Variants in RGL1 observed in about 807,000 individuals in gnomAD.
RGL1 encodes the protein ral guanine nucleotide dissociation stimulator like 1, also known as ral guanine nucleotide dissociation stimulator-like 1.
In RGL1, 24 loss-of-function variants were observed where a neutral mutation model predicts 95.2. The observed-to-expected ratio is 0.25, with a 90% CI of 0.18 to 0.35. RGL1 has a LOEUF of 0.35. Ranked by LOEUF, RGL1 falls within the 10% of genes least tolerant of loss-of-function variation. RGL1 has a pLI of 1.00. For missense variants in RGL1, 715 were observed against 936.3 expected, an observed-to-expected ratio of 0.76 and a Z score of 3.08; for synonymous variants, 329 against 344.9, an observed-to-expected ratio of 0.95 and a Z score of 0.51.
At chr1:183,692,956 A>ATT (rs1377385590) in intron 1 of RGL1, among the ~76,000 whole-genome samples, 24 of 146,344 alleles carry the variant, frequency 1.6e-4, no homozygotes, top group East Asian at 6.1e-4. Flanking sequence ...AGATAAAAAA[A>ATT]ATTTTTTTTT....
At position 183,871,367 on chromosome 1, in the gene RGL1, A is replaced by G. The variant is rs1436652704; in HGVS notation, c.425+5294A>G. The stretch of plus-strand genomic sequence containing the variant: ...AAAATGCCCATTGTTTTCTTTTGCT[A>G]TGAATCTGTTCTCTTGTGATTTCAG... On this transcript the variant is annotated intron_variant, in intron 4 of 17. Transcript: ENST00000360851. Among the ~76,000 whole-genome samples, 3 of 152,222 alleles carry G rather than the reference A, an allele frequency of 2.0e-5. No individual in the cohort carries two copies. The South Asian group carries it at 6.2e-4, about 32-fold the overall frequency.
At position 183,864,076 on chromosome 1, in the gene RGL1, G is replaced by A. The variant is rs35167137; in HGVS notation, c.348-1920G>A. Among the ~76,000 whole-genome samples, 527 of 152,304 alleles carry A rather than the reference G, an allele frequency of 3.5e-3. 2 individuals carry two copies. Among genetic ancestry groups the A allele is most frequent in the Non-Finnish European group, 5.4e-3 (365 of 68,026 alleles). ...CCTGCACCTCAGCTCTGAGTCTGAA[G>A]AATGCAGGAAAAGAGCAGAAGAGTA... On this transcript the variant is annotated intron_variant, in intron 3 of 17. Coordinates refer to ENST00000360851, the MANE Select transcript of RGL1 (RefSeq NM_001297671.3).
At chr1:183,727,758 T>C (rs1656393397) in intron 1 of RGL1, among the ~76,000 whole-genome samples, 2 of 152,190 alleles carry the variant, frequency 1.3e-5, no homozygotes, top group African/African-American at 4.8e-5. Flanking sequence ...TTTAGTAAGA[T>C]TTCAGGATGC....
chr1:183,645,447 C>A (rs772140744), intron 1 of RGL1, among the ~76,000 whole-genome samples: 1 of 152,168 alleles, frequency 6.6e-6, no homozygotes, highest in Non-Finnish European at 1.5e-5. Flanking sequence ...ATCCCAGTGC[C>A]TTTTCCAGAT....
chr1:183,824,996 T>C (rs1662751162), intron 2 of RGL1, among the ~76,000 whole-genome samples: 1 of 152,200 alleles, frequency 6.6e-6, no homozygotes, highest in Non-Finnish European at 1.5e-5. Flanking sequence ...TTTCCTCCTA[T>C]CAGTAGAGTA....
chr1:183,739,736 CTGAGTGCTT>C (rs1181742707), intron 1 of RGL1, among the ~76,000 whole-genome samples: 3 of 152,178 alleles, frequency 2.0e-5, no homozygotes, highest in Non-Finnish European at 4.4e-5. Context: ...TCCTTAGTTC[CTGAGTGCTT>C]TGGAATCGTT....
At chr1:183,701,200 G>T (rs550702913) in intron 1 of RGL1, among the ~76,000 whole-genome samples, 1 of 152,326 alleles carries the variant, frequency 6.6e-6, no homozygotes, top group African/African-American at 2.4e-5. Context: ...TGATAGGATA[G>T]ATCCTAGGTT....
At chr1:183,875,618 G>A (rs992761583) in intron 4 of RGL1, among the ~76,000 whole-genome samples, 2 of 152,102 alleles carry the variant, frequency 1.3e-5, no homozygotes, top group Non-Finnish European at 2.9e-5. Context: ...GCTCATGCCT[G>A]TAATCCTAGC....
intron 4 of RGL1, among the ~76,000 whole-genome samples, chr1:183,872,421 T>C (rs1476239538): frequency 1.3e-5 from 2 of 152,246 alleles, no homozygotes; most frequent in Non-Finnish European, 2.9e-5. Context: ...GTTTCTGTTT[T>C]CTTTTCTTTA....
intron 2 of RGL1, among the ~76,000 whole-genome samples, chr1:183,836,619 A>G (rs1175580930): frequency 6.6e-6 from 1 of 152,138 alleles, no homozygotes; most frequent in African/African-American, 2.4e-5. Context: ...ACTGTTTTTC[A>G]TAGAACTTTG....
At chr1:183,914,972 T>A (rs186226904) in intron 15 of RGL1, among the ~76,000 whole-genome samples, 1 of 152,328 alleles carries the variant, frequency 6.6e-6, no homozygotes, top group Non-Finnish European at 1.5e-5. Flanking sequence ...AGCCACTAAG[T>A]TGATTCATTT....
At chr1:183,913,273 A>G (rs1038797123) in intron 15 of RGL1, among the ~76,000 whole-genome samples, 11 of 136,370 alleles carry the variant, frequency 8.1e-5, no homozygotes, top group African/African-American at 2.5e-4. Flanking sequence ...TTGGCTCACT[A>G]CAACCTCTGT....
chr1:183,663,827 C>T (rs371625271), intron 1 of RGL1, among the ~76,000 whole-genome samples: 9,334 of 146,864 alleles, frequency 0.064, 612 homozygotes, highest in African/African-American at 0.17. Flanking sequence ...TGTCCAACAA[C>T]GATAGACTGG....
At chr1:183,659,106 A>G (rs1300139897) in intron 1 of RGL1, among the ~76,000 whole-genome samples, 1 of 152,156 alleles carries the variant, frequency 6.6e-6, no homozygotes, top group Non-Finnish European at 1.5e-5. Flanking sequence ...AAAGATGGGG[A>G]AAAAACAGAG....
intron 2 of RGL1, among the ~76,000 whole-genome samples, chr1:183,816,873 C>T (rs1475500624): frequency 6.6e-6 from 1 of 152,152 alleles, no homozygotes; most frequent in African/African-American, 2.4e-5. Flanking sequence ...TCTGCTACCA[C>T]CGTTGTCCCC....
chr1:183,722,003 T>C (rs1656036831), intron 1 of RGL1, among the ~76,000 whole-genome samples: 1 of 152,212 alleles, frequency 6.6e-6, no homozygotes, highest in Admixed American at 6.5e-5. Flanking sequence ...CAAGCATGGA[T>C]AGGGATGAAA....
intron 1 of RGL1, among the ~76,000 whole-genome samples, chr1:183,718,247 A>G (rs966317180): frequency 1.3e-5 from 2 of 151,790 alleles, no homozygotes; most frequent in African/African-American, 4.8e-5. Flanking sequence ...AAAAAAAAAA[A>G]AAGAGAGAGA....
At chr1:183,766,958 G>C (rs887657105) in intron 2 of RGL1, among the ~76,000 whole-genome samples, 3 of 152,090 alleles carry the variant, frequency 2.0e-5, no homozygotes, top group Admixed American at 6.5e-5. Flanking sequence ...GCTCACCCCT[G>C]TAATCCTAGC....
chr1:183,736,766 T>C (rs535853686), intron 1 of RGL1, among the ~76,000 whole-genome samples: 1 of 152,032 alleles, frequency 6.6e-6, no homozygotes, highest in Non-Finnish European at 1.5e-5. Flanking sequence ...GAAATCTGAG[T>C]TGAGTTTGAA....
Sources: gnomAD v4.1 joint callset for allele counts (sites outside exome capture counted in the v4.1 genomes callset) on GRCh38, gnomAD v4.1.1 for gene constraint, MANE v1.5 for transcripts, NCBI Gene and HGNC (gene_info 2026-07-23, HGNC 2026-07-21) for gene names.